The following GSK3B variants were observed in gnomAD, a reference collection of about 807,000 sequenced individuals.
The protein encoded by GSK3B is glycogen synthase kinase-3 beta.
GSK3B carries 15 observed loss-of-function variants against 56.4 expected under a neutral mutation model. The ratio of observed to expected loss-of-function variants is 0.27; its 90% CI spans 0.18 to 0.41. The LOEUF (loss-of-function observed/expected upper bound fraction) is 0.41, where lower values mean the gene tolerates loss of function less well. Among genes scored for constraint, GSK3B ranks in the 10% least tolerant of loss-of-function variants. The pLI is 1.00. For missense variants in GSK3B, 300 were observed against 513.4 expected (o/e 0.58, Z 4.02); for synonymous variants, 181 against 188.9 (o/e 0.96, Z 0.34).
chr3:119,953,776 C>T (rs1214597053), intron 2 of GSK3B, among the ~76,000 whole-genome samples: 3 of 152,136 alleles, frequency 2.0e-5, no homozygotes, highest in Non-Finnish European at 4.4e-5. Flanking sequence ...TGTGCTGACT[C>T]TCTCTCCAAC....
rs144810122 is a variant in GSK3B, at chr3:120,045,440, G to A, written c.89-43201C>T. ...CCATTCCACCTTTTTGAAACCACACGTCCACCCTTCGAAACCACACATCCC... is the reference window on the plus strand; with the variant it reads ...CCATTCCACCTTTTTGAAACCACACATCCACCCTTCGAAACCACACATCCC... On this transcript the variant is annotated intron_variant, in intron 1 of 10. Transcript: ENST00000264235. 4.4e-4 allele frequency among the ~76,000 whole-genome samples: 67 copies of A among 151,672 alleles called. No individual in the cohort carries two copies. The East Asian group carries it at 9.7e-3, about 22-fold the overall frequency.
intron 1 of GSK3B, among the ~76,000 whole-genome samples, chr3:120,054,405 T>C (rs947296648): frequency 1.3e-5 from 2 of 152,186 alleles, no homozygotes; most frequent in African/African-American, 4.8e-5. Context: ...CTTCCCAGTT[T>C]AGTTGCTTTT....
intron 3 of GSK3B, among the ~76,000 whole-genome samples, chr3:119,945,723 T>C (rs1459387496): frequency 6.6e-6 from 1 of 152,264 alleles, no homozygotes; most frequent in Admixed American, 6.5e-5. Context: ...GAATGCTATA[T>C]ACATTAAAGT....
At chr3:120,057,852 A>G (rs1204911940) in intron 1 of GSK3B, among the ~76,000 whole-genome samples, 1 of 152,018 alleles carries the variant, frequency 6.6e-6, no homozygotes, top group Non-Finnish European at 1.5e-5. Flanking sequence ...CCAATCATTA[A>G]CCCATTAAAT....
At chr3:120,009,204 G>A (rs1366160503) in intron 1 of GSK3B, among the ~76,000 whole-genome samples, 1 of 152,100 alleles carries the variant, frequency 6.6e-6, no homozygotes. Context: ...GAGAGGTTGT[G>A]GAAAAATAGG....
chr3:119,879,057 G>A (rs1007549926), intron 7 of GSK3B, among the ~76,000 whole-genome samples: 1 of 152,088 alleles, frequency 6.6e-6, no homozygotes, highest in Non-Finnish European at 1.5e-5. Context: ...TTATTTTTGT[G>A]GCTACATAGT....
chr3:119,939,980 G>A (rs1469131722), intron 3 of GSK3B, among the ~76,000 whole-genome samples: 1 of 151,976 alleles, frequency 6.6e-6, no homozygotes. Context: ...AAGAAAAATG[G>A]AGAATAAAAC....
intron 8 of GSK3B, among the ~76,000 whole-genome samples, chr3:119,863,882 A>G (rs568837447): frequency 1.3e-5 from 2 of 152,316 alleles, no homozygotes; most frequent in South Asian, 2.1e-4. Flanking sequence ...CACATGGGAA[A>G]GGCTGAGTTC....
chr3:120,000,575 C>T (rs139311323), intron 2 of GSK3B, among the ~76,000 whole-genome samples: 1 of 152,064 alleles, frequency 6.6e-6, no homozygotes, highest in Non-Finnish European at 1.5e-5. Flanking sequence ...ACATTGGAGG[C>T]TCCCACTAAA....
At chr3:119,906,764 T>G (rs574889810) in intron 6 of GSK3B, among the ~76,000 whole-genome samples, 1 of 152,070 alleles carries the variant, frequency 6.6e-6, no homozygotes, top group Non-Finnish European at 1.5e-5. Flanking sequence ...GAGACGAATA[T>G]GAATCATTGC....
intron 3 of GSK3B, among the ~76,000 whole-genome samples, chr3:119,946,353 GA>G (rs2057099742): frequency 6.6e-6 from 1 of 151,874 alleles, no homozygotes; most frequent in Non-Finnish European, 1.5e-5. Flanking sequence ...AAGCTTAATA[GA>G]AAATGGCTAA....
At chr3:119,844,928 C>A (rs1456966100) in intron 9 of GSK3B, among the ~76,000 whole-genome samples, 1 of 152,274 alleles carries the variant, frequency 6.6e-6, no homozygotes, top group East Asian at 1.9e-4. Flanking sequence ...TACTGGCAAA[C>A]CGAATCTAGC....
intron 1 of GSK3B, among the ~76,000 whole-genome samples, chr3:120,073,367 A>C (rs1217521369): frequency 3.9e-5 from 6 of 152,130 alleles, no homozygotes; most frequent in Admixed American, 1.3e-4. Flanking sequence ...AGCCTGGGCA[A>C]GAGAGCAAGA....
intron 7 of GSK3B, among the ~76,000 whole-genome samples, chr3:119,897,805 A>AAG (rs1553729870): frequency 1.3e-5 from 2 of 151,570 alleles, no homozygotes; most frequent in East Asian, 3.9e-4. Context: ...AAAAAAAAAA[A>AAG]AAAAAAGAAA....
chr3:119,981,377 C>G (rs1329990454), intron 2 of GSK3B, among the ~76,000 whole-genome samples: 12 of 152,236 alleles, frequency 7.9e-5, no homozygotes, highest in Admixed American at 6.5e-4. Context: ...GGAGGGCAAG[C>G]TGAAGCAGGG....
intron 4 of GSK3B, among the ~76,000 whole-genome samples, chr3:119,921,395 T>C (rs987513410): frequency 6.6e-6 from 1 of 152,202 alleles, no homozygotes; most frequent in African/African-American, 2.4e-5. Context: ...TGATCATCAA[T>C]GGCTACTAAC....
intron 1 of GSK3B, among the ~76,000 whole-genome samples, chr3:120,060,126 C>G (rs1170400811): frequency 6.6e-6 from 1 of 152,060 alleles, no homozygotes; most frequent in Non-Finnish European, 1.5e-5. Context: ...GTGCTTATAT[C>G]TTAAAATCGG....
intron 6 of GSK3B, among the ~76,000 whole-genome samples, chr3:119,906,673 C>T (rs2056685803): frequency 6.6e-6 from 1 of 151,986 alleles, no homozygotes; most frequent in Admixed American, 6.6e-5. Flanking sequence ...TTAAGACTTC[C>T]TACAAGAAAA....
At chr3:120,060,491 C>A (rs556506878) in intron 1 of GSK3B, among the ~76,000 whole-genome samples, 1 of 151,988 alleles carries the variant, frequency 6.6e-6, no homozygotes, top group Non-Finnish European at 1.5e-5. Flanking sequence ...ACTTAGGGAG[C>A]CGAGGCGGGA....
Sources: allele counts gnomAD v4.1 joint callset (sites outside exome capture counted in the v4.1 genomes callset), GRCh38; gene constraint gnomAD v4.1.1; transcripts MANE v1.5; gene names NCBI Gene and HGNC (gene_info 2026-07-23, HGNC 2026-07-21).